The following NYAP2 variants were observed in gnomAD, a reference collection of about 807,000 sequenced individuals.
The protein encoded by NYAP2 is neuronal tyrosine-phosphorylated phosphoinositide-3-kinase adapter 2.
In NYAP2, 23 loss-of-function variants were observed where a neutral mutation model predicts 50.4. That is an observed-to-expected ratio of 0.46 (90% CI 0.33 to 0.65). NYAP2 has a LOEUF of 0.65. NYAP2 is among the 30% of genes least tolerant of loss of function. The pLI is 0.02. For synonymous variants in NYAP2, 394 were observed against 365.2 expected (o/e 1.08, Z -0.90); for missense variants, 885 against 861.0 (o/e 1.03, Z -0.35).
chr2:225,433,681 A>C (rs1170626263), intron 3 of NYAP2, among the ~76,000 whole-genome samples: 1 of 151,676 alleles, frequency 6.6e-6, no homozygotes, highest in African/African-American at 2.4e-5. Flanking sequence ...GTTGGGCGTG[A>C]TGGCGGGCGC....
chr2:225,403,738 T>A (rs1298879003), intron 2 of NYAP2, among the ~76,000 whole-genome samples: 3 of 151,976 alleles, frequency 2.0e-5, no homozygotes, highest in African/African-American at 7.2e-5. Flanking sequence ...AAAGGACCTG[T>A]GCCTATGAAG....
At chr2:225,602,284 G>T in intron 5 of NYAP2, among the ~76,000 whole-genome samples, 1 of 152,298 alleles carries the variant, frequency 6.6e-6, no homozygotes, top group East Asian at 1.9e-4. Context: ...CTTAGCTCAC[G>T]GTCAATTACG....
the NYAP2 span, among the ~76,000 whole-genome samples, chr2:225,660,441 ATTTTTTT>A: frequency 2.2e-5 from 3 of 134,008 alleles, no homozygotes; most frequent in Non-Finnish European, 3.1e-5. Flanking sequence ...CACAGGATAC[ATTTTTTT>A]TTTTTTTTTT....
At chr2:225,454,245 C>T (rs1214060945) in intron 3 of NYAP2, among the ~76,000 whole-genome samples, 4 of 152,044 alleles carry the variant, frequency 2.6e-5, no homozygotes, top group Admixed American at 2.6e-4. Context: ...GTGGAAGGAT[C>T]ACTTGAGCCC....
chr2:225,607,261 A>G (rs970186522), intron 5 of NYAP2, among the ~76,000 whole-genome samples: 2 of 152,098 alleles, frequency 1.3e-5, no homozygotes, highest in Admixed American at 1.3e-4. Context: ...AGAGAAAGTA[A>G]GAAAATGTAC....
chr2:225,569,575 A>G (rs1692030448), intron 4 of NYAP2, among the ~76,000 whole-genome samples: 1 of 152,198 alleles, frequency 6.6e-6, no homozygotes, highest in African/African-American at 2.4e-5. Context: ...AGTGTTTTAG[A>G]GAAAGTAAAA....
chr2:225,489,494 G>A (rs979443778), intron 3 of NYAP2, among the ~76,000 whole-genome samples: 1 of 151,758 alleles, frequency 6.6e-6, no homozygotes, highest in Admixed American at 6.6e-5. Context: ...CATCGTGCCC[G>A]GTCTCCCCTT....
chr2:225,461,446 A>G (rs1195643785), intron 3 of NYAP2, among the ~76,000 whole-genome samples: 1 of 152,246 alleles, frequency 6.6e-6, no homozygotes, highest in Admixed American at 6.5e-5. Context: ...GAATGGACCC[A>G]TAGAGAAAAG....
downstream of NYAP2, among the ~76,000 whole-genome samples, chr2:225,655,506 C>T (rs1448320966): frequency 6.6e-6 from 1 of 152,114 alleles, no homozygotes; most frequent in Non-Finnish European, 1.5e-5. Context: ...GCACAGGAGT[C>T]ATGTATTATA....
At chr2:225,425,084 G>A (rs749376302) in intron 3 of NYAP2, among the ~76,000 whole-genome samples, 2 of 152,042 alleles carry the variant, frequency 1.3e-5, no homozygotes, top group Non-Finnish European at 2.9e-5. Flanking sequence ...AAGAAATAGA[G>A]CTTTCAGAAA....
At chr2:225,455,469 T>C (rs1689725504) in intron 3 of NYAP2, among the ~76,000 whole-genome samples, 1 of 152,210 alleles carries the variant, frequency 6.6e-6, no homozygotes, top group African/African-American at 2.4e-5. Flanking sequence ...CCCTTCAATA[T>C]ACAGTCCAAT....
At chr2:225,465,624 G>A (rs994177757) in intron 3 of NYAP2, among the ~76,000 whole-genome samples, 1 of 152,122 alleles carries the variant, frequency 6.6e-6, no homozygotes, top group African/African-American at 2.4e-5. Context: ...GCTGAGGCAG[G>A]AGAATCGAGT....
intron 3 of NYAP2, among the ~76,000 whole-genome samples, chr2:225,463,401 A>G (rs1689865663): frequency 6.6e-6 from 1 of 152,260 alleles, no homozygotes; most frequent in Non-Finnish European, 1.5e-5. Flanking sequence ...CGTATTTGTA[A>G]CACTCATGTG....
chr2:225,650,291 T>C (rs2106271796), intron 6 of NYAP2, among the ~76,000 whole-genome samples: 1 of 152,348 alleles, frequency 6.6e-6, no homozygotes, highest in Admixed American at 6.5e-5. Flanking sequence ...GGCATGAGGA[T>C]AGTGCACCTC....
chr2:225,620,413 ACATG>A (rs1331535199), intron 5 of NYAP2, among the ~76,000 whole-genome samples: 31 of 119,972 alleles, frequency 2.6e-4, no homozygotes, highest in African/African-American at 8.5e-4. Flanking sequence ...GCGCACGCAC[ACATG>A]CACGCACACG....
rs1693456201 is a variant in NYAP2, at chr2:225,638,156, T to TGTGTG, written c.1828+11030_1828+11031insGTGTG. Among the ~76,000 whole-genome samples the TGTGTG allele has an allele frequency of 4.4e-5, 6 of 135,306 alleles. No individual in the cohort carries two copies. The East Asian group carries it at 6.7e-4, about 15-fold the overall frequency. The allele number at this position is 135,306 out of a possible 152,430, so 88.8% of individuals were successfully genotyped here. A position where few individuals can be genotyped will look rare whatever the true frequency, so the allele number is the denominator to read the frequency against. ...GAGAATTTTAAACAGACTCGTGTGT[T>TGTGTG]TGTGTGTGTGTGTGTGTGTGTGTGT... is the stretch of plus-strand genomic sequence containing the variant. On this transcript the variant is annotated intron_variant, in intron 6 of 6. Transcript: ENST00000636099.
At chr2:225,679,493 G>GTTTTTTTTTTT in the NYAP2 span, among the ~76,000 whole-genome samples, 1 of 103,884 alleles carries the variant, frequency 9.6e-6, no homozygotes, top group Non-Finnish European at 1.8e-5. Context: ...GCTTCTAATT[G>GTTTTTTTTTTT]TTTTTTTTTT....
At chr2:225,643,186 G>A (rs762148172) in intron 6 of NYAP2, among the ~76,000 whole-genome samples, 6 of 151,908 alleles carry the variant, frequency 3.9e-5, no homozygotes, top group Admixed American at 6.6e-5. Context: ...AAAATCCCCC[G>A]AGAGTTTGTA....
intron 5 of NYAP2, among the ~76,000 whole-genome samples, chr2:225,617,659 T>C (rs931588754): frequency 6.6e-6 from 1 of 152,220 alleles, no homozygotes; most frequent in African/African-American, 2.4e-5. Flanking sequence ...AAATTACTTG[T>C]TTTTTATGGC....
Sources: allele counts gnomAD v4.1 joint callset (sites outside exome capture counted in the v4.1 genomes callset), GRCh38; gene constraint gnomAD v4.1.1; transcripts MANE v1.5; gene names NCBI Gene and HGNC (gene_info 2026-07-23, HGNC 2026-07-21).